The following PRIM2 variants were observed in gnomAD, a reference collection of about 807,000 sequenced individuals.
The protein encoded by PRIM2 is DNA primase large subunit.
PRIM2 carries 39 observed loss-of-function variants against 67.3 expected under a neutral mutation model. The observed-to-expected ratio is 0.58, with a 90% CI of 0.45 to 0.76. The LOEUF is 0.76. PRIM2 is among the 30% of genes least tolerant of loss of function. The probability of loss-of-function intolerance (pLI) is 0.00; values close to 1 mark genes in which losing one functional copy is unlikely to be tolerated. For missense variants in PRIM2, 398 were observed against 598.7 expected (o/e 0.66, Z 3.50); for synonymous variants, 143 against 198.7 (o/e 0.72, Z 2.36).
At chr6:57,494,313 A>G (rs1319357032) in intron 7 of PRIM2, among the ~76,000 whole-genome samples, 6 of 152,304 alleles carry the variant, frequency 3.9e-5, no homozygotes, top group African/African-American at 1.2e-4. Context: ...TATAATAGCT[A>G]CATTGTTTTT....
At chr6:57,457,503 T>C (rs71221655) in intron 7 of PRIM2, among the ~76,000 whole-genome samples, 102,385 of 152,028 alleles carry the variant, frequency 0.67, 34,476 homozygotes, top group South Asian at 0.74. Context: ...ACCCCTTCCC[T>C]AGGCTCGCTG....
chr6:57,567,917 T>A (rs1490736945), intron 10 of PRIM2, among the ~76,000 whole-genome samples: 5 of 152,234 alleles, frequency 3.3e-5, no homozygotes, highest in Non-Finnish European at 5.9e-5. Context: ...TATGTTTTCA[T>A]AGTTGACATC....
chr6:57,625,345 T>C (rs1776930716), intron 12 of PRIM2, among the ~76,000 whole-genome samples: 1 of 152,172 alleles, frequency 6.6e-6, no homozygotes, highest in African/African-American at 2.4e-5. Flanking sequence ...CCCTATTAAG[T>C]TCTGCTACAA....
chr6:57,303,687 C>T, the PRIM2 span, among the ~76,000 whole-genome samples: 1 of 152,158 alleles, frequency 6.6e-6, no homozygotes, highest in African/African-American at 2.4e-5. Context: ...ACCATCTCGG[C>T]TCACTGCAAA....
Position 57,484,082 on chromosome 6 carries a change from T to G in PRIM2, c.694-23305T>G, listed in dbSNP as rs1240254911. ...TTGATTTAATAATACCACATGCTATTTCGTGTACTTATTTCTATGGGATTT... is the reference window on the plus strand; with the variant it reads ...TTGATTTAATAATACCACATGCTATGTCGTGTACTTATTTCTATGGGATTT... On this transcript the variant is annotated intron_variant, in intron 7 of 13. Transcript: ENST00000615550. 2.0e-5 allele frequency among the ~76,000 whole-genome samples: 3 copies of G among 152,338 alleles called. No homozygotes were observed. The East Asian group carries it at 5.8e-4, about 29-fold the overall frequency.
chr6:57,429,360 G>A (rs1489073885), intron 7 of PRIM2, among the ~76,000 whole-genome samples: 1 of 152,150 alleles, frequency 6.6e-6, no homozygotes, highest in African/African-American at 2.4e-5. Context: ...AGACAGGCCA[G>A]GGTGGTAAAT....
At chr6:57,318,018 A>C (rs1767533474) in intron 1 of PRIM2, among the ~76,000 whole-genome samples, 1 of 152,186 alleles carries the variant, frequency 6.6e-6, no homozygotes, top group Non-Finnish European at 1.5e-5. Context: ...GACCCAGTCC[A>C]TCAAGTAAGA....
chr6:57,527,858 A>G (rs1167142207), intron 8 of PRIM2, among the ~76,000 whole-genome samples: 1 of 152,214 alleles, frequency 6.6e-6, no homozygotes, highest in Non-Finnish European at 1.5e-5. Context: ...TCTGATACTT[A>G]ACATCCTCAT....
chr6:57,643,455 A>G (rs1335842995), intron 13 of PRIM2, among the ~76,000 whole-genome samples: 1 of 152,226 alleles, frequency 6.6e-6, no homozygotes, highest in Non-Finnish European at 1.5e-5. Flanking sequence ...TGAATAAACC[A>G]TCTATTCTCC....
At chr6:57,592,393 A>C (rs1439318389) in intron 10 of PRIM2, among the ~76,000 whole-genome samples, 2 of 152,194 alleles carry the variant, frequency 1.3e-5, no homozygotes, top group African/African-American at 2.4e-5. Context: ...TTAGGTCAAG[A>C]AGATGTTCCT....
intron 5 of PRIM2, among the ~76,000 whole-genome samples, chr6:57,334,128 T>C (rs1768143889): frequency 6.6e-6 from 1 of 152,222 alleles, no homozygotes; most frequent in African/African-American, 2.4e-5. Flanking sequence ...GATCAACTTT[T>C]TTAGATTCCA....
chr6:57,287,849 G>T, the PRIM2 span, among the ~76,000 whole-genome samples: 1 of 152,196 alleles, frequency 6.6e-6, no homozygotes, highest in Admixed American at 6.5e-5. Flanking sequence ...GCAGCTCCCA[G>T]CAAGATTGAC....
intron 5 of PRIM2, among the ~76,000 whole-genome samples, chr6:57,345,923 G>T (rs1384411801): frequency 6.6e-6 from 1 of 152,130 alleles, no homozygotes; most frequent in Non-Finnish European, 1.5e-5. Flanking sequence ...TTTGGATGTT[G>T]CCATGGCATT....
the PRIM2 span, among the ~76,000 whole-genome samples, chr6:57,287,814 G>A: frequency 6.6e-6 from 1 of 152,086 alleles, no homozygotes; most frequent in Admixed American, 6.6e-5. Context: ...CTTCCAAGAT[G>A]GCTAAATAGG....
At chr6:57,260,743 A>G in the PRIM2 span, among the ~76,000 whole-genome samples, 1 of 152,086 alleles carries the variant, frequency 6.6e-6, no homozygotes, top group Non-Finnish European at 1.5e-5. Flanking sequence ...CCAGGAGAAG[A>G]AATTTTGGCC....
Position 57,419,632 on chromosome 6 carries a change from A to G in PRIM2, c.693+37464A>G, listed in dbSNP as rs547626604. ...CCAGTTCCAGCAATTCTGTTAATAT[A>G]TATTTACCAGACTCTGGTATGATTT... On this transcript the variant is annotated intron_variant, in intron 7 of 13. Transcript: ENST00000615550. 2.6e-5 allele frequency among the ~76,000 whole-genome samples: 4 copies of G among 152,180 alleles called. No homozygotes were observed. The East Asian group carries it at 7.7e-4, about 29-fold the overall frequency.
the PRIM2 span, among the ~76,000 whole-genome samples, chr6:57,248,427 C>T: frequency 3.3e-5 from 5 of 152,040 alleles, no homozygotes; most frequent in East Asian, 3.9e-4. Context: ...CTTGGTGTTT[C>T]GAACAAATAA....
the PRIM2 span, among the ~76,000 whole-genome samples, chr6:57,256,743 CAT>C: frequency 0.087 from 9,754 of 112,316 alleles, 342 homozygotes; most frequent in African/African-American, 0.11. Context: ...CACACACACA[CAT>C]ACACTCTTAC....
rs71299587 is a variant in PRIM2, at chr6:57,403,249, A to ATTTT, written c.693+21102_693+21105dup. On this transcript the variant is annotated intron_variant, in intron 7 of 13. Transcript: ENST00000615550. ...TTTGAAGGGATAGTTCAGGTGAAGA[A>ATTTT]TTTTTTTTTTTTTTTTTTTTTTTTG... Among the ~76,000 whole-genome samples the ATTTT allele has an allele frequency of 5.6e-3, 616 of 109,398 alleles. 1 individual carries two copies. The highest frequency in any genetic ancestry group is 0.014 in the African/African-American group (385 of 27,608). 71.8% of individuals were successfully genotyped at this position (109,398 alleles called of 152,430 possible).
Sources: gnomAD v4.1 joint callset for allele counts (sites outside exome capture counted in the v4.1 genomes callset) on GRCh38, gnomAD v4.1.1 for gene constraint, MANE v1.5 for transcripts, NCBI Gene and HGNC (gene_info 2026-07-23, HGNC 2026-07-21) for gene names.